ZNF799: variants seen among roughly 807,000 people sequenced by gnomAD.
ZNF799 encodes zinc finger protein 14.
In ZNF799, 28 loss-of-function variants were observed where a neutral mutation model predicts 41.0. That is an observed-to-expected ratio of 0.68 (90% CI 0.51 to 0.94). The LOEUF is 0.94. Ranked by LOEUF, ZNF799 falls within the 40% of genes least tolerant of loss-of-function variation. The probability of loss-of-function intolerance (pLI) is 0.00; values close to 1 mark genes in which losing one functional copy is unlikely to be tolerated. For missense variants in ZNF799, 716 were observed against 764.3 expected (o/e 0.94, Z 0.74); for synonymous variants, 213 against 252.9 (o/e 0.84, Z 1.50).
chr19:12,400,470 G>A (rs1969960423), intron 1 of ZNF799: 1 of 153,396 alleles, frequency 6.5e-6, no homozygotes, highest in African/African-American at 2.4e-5. Flanking sequence ...CATTGTGCCT[G>A]GGGATAAGAT....
chr19:12,392,333 T>C (rs1969838163), intron 3 of ZNF799, 127 bp from the exon 4 acceptor site: 93 of 1,392,946 alleles, frequency 6.7e-5, no homozygotes, highest in Non-Finnish European at 8.6e-5. Flanking sequence ...TGCTTGAACG[T>C]GAATGGATGG....
intron 1 of ZNF799, among the ~76,000 whole-genome samples, chr19:12,397,274 A>T (rs1192289349): frequency 6.6e-6 from 1 of 152,166 alleles, no homozygotes; most frequent in African/African-American, 2.4e-5. Context: ...AAGAAACAAC[A>T]GCCTGTCACA....
At chr19:12,401,305 G>C (rs1969982484), upstream of ZNF799, 1 of 1,286,884 alleles carries the variant, frequency 7.8e-7, no homozygotes, top group African/African-American at 1.5e-5. Context: ...GCCCTTACTG[G>C]ATACGGCGTC....
At chr19:12,407,484 A>AG in the ZNF799 span, among the ~76,000 whole-genome samples, 7 of 148,100 alleles carry the variant, frequency 4.7e-5, no homozygotes, top group East Asian at 1.2e-3. Context: ...AGAGAGAGAG[A>AG]GAAAAAAAAA....
At chr19:12,392,793 G>A in intron 2 of ZNF799, 130 bp from the exon 3 acceptor site, 1 of 656,964 alleles carries the variant, frequency 1.5e-6, no homozygotes, top group East Asian at 2.9e-5. Flanking sequence ...AAAAACAGAG[G>A]TTTGAACTGC....
At chr19:12,392,494 T>C in intron 3 of ZNF799, 109 bp downstream of exon 3, 2 of 1,112,890 alleles carry the variant, frequency 1.8e-6, no homozygotes, top group South Asian at 1.4e-5. Flanking sequence ...TTTCTAAGAA[T>C]AAATAAATTT....
Position 12,390,638 on chromosome 19 carries a change from G to A in ZNF799, c.1760C>T (p.Pro587Leu), listed in dbSNP as rs374144287. Residue 587 changes from proline to leucine, a missense_variant, in exon 4 of 4, where the codon CCG becomes CTG. Physicochemically the swap from Pro to Leu is moderately conservative, Grantham distance 98. Coordinates refer to ENST00000430385, the MANE Select transcript of ZNF799 (RefSeq NM_001080821.3). ...GHEKTHTGEN[P>L]YECKECGKAF... is the part of the protein sequence containing the mutation. ...TTTCCCACATTCCTTACATTCATAC[G>A]GGTTCTCTCCAGTATGAGTTTTTTC... is the stretch of plus-strand genomic sequence containing the variant. 1.9e-6 allele frequency: 3 copies of A among 1,613,528 alleles called. No homozygotes were observed. Among genetic ancestry groups the A allele is most frequent in the African/African-American group, 2.7e-5 (2 of 74,830 alleles).
chr19:12,410,183 A>G, the ZNF799 span, among the ~76,000 whole-genome samples: 1 of 150,104 alleles, frequency 6.7e-6, no homozygotes, highest in East Asian at 1.9e-4. Flanking sequence ...ATATACATAC[A>G]TACATACATA....
At position 12,390,394 on chromosome 19, in the gene ZNF799, T is replaced by A. The variant is rs1388489332; in HGVS notation, c.*72A>T. ...ATTCACAGGGTCTATCTCCAATGTG[T>A]TTCGTACAAGTATCTGAAATGAAAT... is the stretch of plus-strand genomic sequence containing the variant. On this transcript the variant is annotated 3_prime_UTR_variant, in exon 4 of 4. Transcript: ENST00000430385. 13 of 1,601,896 alleles carry A rather than the reference T, an allele frequency of 8.1e-6. No homozygotes were observed. The East Asian group carries it at 1.3e-4, about 16-fold the overall frequency.
the ZNF799 span, among the ~76,000 whole-genome samples, chr19:12,414,575 C>T: frequency 6.6e-6 from 1 of 152,172 alleles, no homozygotes. Context: ...GGGCTGCTGG[C>T]GACATGGCCA....
chr19:12,391,197 C>T lies in ZNF799; in HGVS notation c.1201G>A (p.Ala401Thr), dbSNP rs866933924. 2.5e-6 allele frequency: 4 copies of T among 1,614,204 alleles called. No homozygotes were observed. The highest frequency in any genetic ancestry group is 1.7e-6 in the Non-Finnish European group (2 of 1,180,014). Residue 401 changes from alanine to threonine, a missense_variant, in exon 4 of 4, where the codon GCC becomes ACC. This residue lies in a region of ZNF799 where 698 missense variants were observed against 713.6 expected (regional missense o/e 0.98). Coordinates refer to ENST00000430385, the MANE Select transcript of ZNF799 (RefSeq NM_001080821.3). ...GPHKCKICGKAFVYPSVFQRH... is the reference protein window; with the variant it reads ...GPHKCKICGKTFVYPSVFQRH... ...TGAAATACACTGGGATAAACAAAGG[C>T]TTTCCCACATATCTTGCATTTGTGA...
the ZNF799 span, among the ~76,000 whole-genome samples, chr19:12,407,537 C>T: frequency 6.7e-6 from 1 of 149,472 alleles, no homozygotes; most frequent in African/African-American, 2.5e-5. Context: ...AACATATATA[C>T]ACAAATACAT....
chr19:12,406,555 T>A, the ZNF799 span, among the ~76,000 whole-genome samples: 1 of 150,300 alleles, frequency 6.7e-6, no homozygotes, highest in African/African-American at 2.4e-5. Flanking sequence ...CAATGATGAA[T>A]AAAGAACTAA....
rs368417156 is a variant in ZNF799 at position 12,397,946 on chromosome 19, A to T, written c.3+3122T>A. Among the ~76,000 whole-genome samples the T allele has an allele frequency of 5.9e-5, 9 of 152,212 alleles. No homozygotes were observed. The East Asian group carries it at 1.7e-3, about 29-fold the overall frequency. ...GGTATGAAAAAATATACTCCATTCT[A>T]GCCCTAATCAAAAGCCATATGGGGC... On this transcript the variant is annotated intron_variant, in intron 1 of 3. Transcript: ENST00000430385.
upstream of ZNF799, among the ~76,000 whole-genome samples, chr19:12,405,642 G>T (rs933294982): frequency 1.3e-5 from 2 of 152,122 alleles, no homozygotes; most frequent in African/African-American, 4.8e-5. Flanking sequence ...GAACACAGAG[G>T]AATAGACATC....
chr19:12,411,879 C>T, the ZNF799 span, among the ~76,000 whole-genome samples: 1 of 152,132 alleles, frequency 6.6e-6, no homozygotes, highest in Non-Finnish European at 1.5e-5. Flanking sequence ...TCCCAAAGTG[C>T]TAAGATTACA....
At chr19:12,393,480 T>C in intron 1 of ZNF799, 57 bp from the exon 2 acceptor site, 1 of 1,216,850 alleles carries the variant, frequency 8.2e-7, no homozygotes, top group South Asian at 1.6e-5. Flanking sequence ...ACTGAGAATC[T>C]ATACTCACTT....
chr19:12,404,627 G>C (rs1030465517), upstream of ZNF799, among the ~76,000 whole-genome samples: 3 of 152,098 alleles, frequency 2.0e-5, no homozygotes, highest in Non-Finnish European at 2.9e-5. Flanking sequence ...CGAGATCCCA[G>C]TATAAAATCC....
In ZNF799 at chr19:12,396,298, A is replaced by G. The variant is rs555050973; in HGVS notation, c.4-2875T>C. On this transcript the variant is annotated intron_variant, in intron 1 of 3. Transcript: ENST00000430385. ...GTTCAATGAAGTAAAGGCAATGATG[A>G]ACAAATAACTAAAAGAAAACCAGAA... Among the ~76,000 whole-genome samples, 34 of 152,324 alleles carry G rather than the reference A, an allele frequency of 2.2e-4. No individual in the cohort carries two copies. The South Asian group carries it at 6.9e-3, about 31-fold the overall frequency.
Sources: gnomAD v4.1 joint callset for allele counts (sites outside exome capture counted in the v4.1 genomes callset) on GRCh38, gnomAD v4.1.1 for gene constraint, gnomAD v4.1.1 regional missense constraint, MANE v1.5 for transcripts, NCBI Gene and HGNC (gene_info 2026-07-23, HGNC 2026-07-21) for gene names.